Variants in GMDS observed in about 807,000 individuals in gnomAD.
GMDS encodes GDP-mannose 4,6-dehydratase.
In GMDS, 20 loss-of-function variants were observed where a neutral mutation model predicts 49.9. That is an observed-to-expected ratio of 0.40 (90% CI 0.28 to 0.58). The LOEUF is 0.58. Ranked by LOEUF, GMDS falls within the 20% of genes least tolerant of loss-of-function variation. The pLI is 0.42. For synonymous variants in GMDS, 177 were observed against 178.6 expected, an observed-to-expected ratio of 0.99 and a Z score of 0.07; for missense variants, 362 against 481.4, an observed-to-expected ratio of 0.75 and a Z score of 2.32.
At chr6:1,935,632 A>C (rs1166685675) in intron 6 of GMDS, among the ~76,000 whole-genome samples, 1 of 152,206 alleles carries the variant, frequency 6.6e-6, no homozygotes, top group Non-Finnish European at 1.5e-5. Flanking sequence ...AGCAATAATA[A>C]ACATTTCTTG....
At position 2,068,998 on chromosome 6, in the gene GMDS, A is replaced by G. The variant is rs1011913819; in HGVS notation, c.345+46773T>C. On this transcript the variant is annotated intron_variant, in intron 4 of 10. Coordinates refer to ENST00000380815, the MANE Select transcript of GMDS (RefSeq NM_001500.4). ...AAAAGAACAAAGCTGGAGGCATCAC[A>G]CTACCTGACTTCAAACTATACTATA... Among the ~76,000 whole-genome samples the G allele has an allele frequency of 4.6e-5, 7 of 152,246 alleles. No homozygotes were observed. The East Asian group carries it at 9.6e-4, about 21-fold the overall frequency.
rs147730689 is a variant in GMDS at position 2,176,108 on chromosome 6, C to A, written c.103-51377G>T. The stretch of plus-strand genomic sequence containing the variant: ...GACAACATGTAATTCTGGTGTCCAG[C>A]CCCCCTTCTACAACCAGGGATGACT... On this transcript the variant is annotated intron_variant, in intron 1 of 10. Coordinates refer to ENST00000380815, the MANE Select transcript of GMDS (RefSeq NM_001500.4). The A allele has an allele frequency of 2.7e-4, 208 of 779,994 alleles. 1 individual carries two copies. In the East Asian group the frequency reaches 5.0e-3, roughly 19 times the overall value. 48.3% of individuals were successfully genotyped at this position (779,994 alleles called of 1,614,324 possible).
intron 7 of GMDS, among the ~76,000 whole-genome samples, chr6:1,926,233 A>C (rs1761999194): frequency 6.6e-6 from 1 of 152,226 alleles, no homozygotes; most frequent in African/African-American, 2.4e-5. Context: ...CCTGGAGATA[A>C]GGAAAGGGGT....
chr6:1,764,613 G>A (rs1768277704), intron 7 of GMDS, among the ~76,000 whole-genome samples: 1 of 152,128 alleles, frequency 6.6e-6, no homozygotes, highest in Non-Finnish European at 1.5e-5. Flanking sequence ...AGAAAATCCT[G>A]GGTTAATGCC....
At chr6:1,903,951 T>C (rs113025180) in intron 7 of GMDS, among the ~76,000 whole-genome samples, 5 of 152,302 alleles carry the variant, frequency 3.3e-5, no homozygotes, top group Non-Finnish European at 5.9e-5. Flanking sequence ...AGCCAAGCTA[T>C]GACATTTTGA....
chr6:2,210,109 CT>C (rs1779998489), intron 1 of GMDS, among the ~76,000 whole-genome samples: 1 of 152,124 alleles, frequency 6.6e-6, no homozygotes, highest in African/African-American at 2.4e-5. Flanking sequence ...TCCTGAGTGC[CT>C]TTATTATAAT....
chr6:1,627,885 T>G (rs1264249324), intron 9 of GMDS, among the ~76,000 whole-genome samples: 1 of 152,268 alleles, frequency 6.6e-6, no homozygotes, highest in East Asian at 1.9e-4. Flanking sequence ...TTCATTGCTA[T>G]TCCTTAGGTG....
In GMDS at chr6:1,834,410, G is replaced by A. The variant is rs181514014; in HGVS notation, c.772-91824C>T. Among the ~76,000 whole-genome samples the A allele has an allele frequency of 2.3e-3, 354 of 152,222 alleles. 1 individual carries two copies. The highest frequency in any genetic ancestry group is 4.2e-3 in the Non-Finnish European group (289 of 68,014). On this transcript the variant is annotated intron_variant, in intron 7 of 10. Transcript: ENST00000380815. ...GGTTACCAAATGTCAGAGGCACCATGATACATCATCTGTCTGTTGGCTCCA... is the reference window on the plus strand; with the variant it reads ...GGTTACCAAATGTCAGAGGCACCATAATACATCATCTGTCTGTTGGCTCCA...
chr6:2,102,613 T>C (rs1773987902), intron 4 of GMDS, among the ~76,000 whole-genome samples: 1 of 152,186 alleles, frequency 6.6e-6, no homozygotes, highest in African/African-American at 2.4e-5. Context: ...ATCTAATGCC[T>C]GCCAAAGAGG....
At chr6:1,660,206 T>C (rs56117122) in intron 9 of GMDS, among the ~76,000 whole-genome samples, 1 of 152,228 alleles carries the variant, frequency 6.6e-6, no homozygotes, top group African/African-American at 2.4e-5. Flanking sequence ...CATCATGGGA[T>C]GGGCCAGGCA....
intron 9 of GMDS, among the ~76,000 whole-genome samples, chr6:1,687,967 G>C (rs963102468): frequency 3.3e-5 from 5 of 152,184 alleles, no homozygotes; most frequent in African/African-American, 1.2e-4. Context: ...TTCTGAATGA[G>C]AGGTAATGTG....
chr6:1,653,658 C>A (rs905383249), intron 9 of GMDS, among the ~76,000 whole-genome samples: 1 of 152,110 alleles, frequency 6.6e-6, no homozygotes, highest in Non-Finnish European at 1.5e-5. Flanking sequence ...ATATACCCGG[C>A]CAATTGATTT....
rs1763735273 is a variant in GMDS, at chr6:1,652,664, A to ATATATATAATATATAT, written c.988-28140_988-28125dup. On this transcript the variant is annotated intron_variant, in intron 9 of 10. Coordinates refer to ENST00000380815, the MANE Select transcript of GMDS (RefSeq NM_001500.4). ...ATATAATATATATTATTTATATATA[A>ATATATATAATATATAT]TATATATAATATATATTATTTATAT... Among the ~76,000 whole-genome samples the ATATATATAATATATAT allele has an allele frequency of 5.1e-4, 2 of 3,902 alleles. 1 individual carries two copies. Among genetic ancestry groups the ATATATATAATATATAT allele is most frequent in the African/African-American group, 1.2e-3 (2 of 1,734 alleles). 2.6% of individuals were successfully genotyped at this position (3,902 alleles called of 152,430 possible).
At position 1,947,548 on chromosome 6, in the gene GMDS, T is replaced by C. The variant is rs1763133245; in HGVS notation, c.643+12319A>G. ...CTCTGTGACCGCACTGATGTTCACT[T>C]CCTTACTTGCATACCCTCATGGGCT... On this transcript the variant is annotated intron_variant, in intron 6 of 10. Coordinates refer to ENST00000380815, the MANE Select transcript of GMDS (RefSeq NM_001500.4). 1.3e-5 allele frequency among the ~76,000 whole-genome samples: 2 copies of C among 152,196 alleles called. 1 individual carries two copies. The highest frequency in any genetic ancestry group is 4.8e-5 in the African/African-American group (2 of 41,436).
At chr6:1,872,724 T>C (rs1226137810) in intron 7 of GMDS, among the ~76,000 whole-genome samples, 1 of 152,252 alleles carries the variant, frequency 6.6e-6, no homozygotes, top group Non-Finnish European at 1.5e-5. Flanking sequence ...AATTTATAGA[T>C]GCGCTCAAGC....
intron 4 of GMDS, among the ~76,000 whole-genome samples, chr6:2,111,131 A>C (rs1409843492): frequency 6.6e-6 from 1 of 152,222 alleles, no homozygotes; most frequent in East Asian, 1.9e-4. Flanking sequence ...GACGAATCGA[A>C]AATCCGGACA....
chr6:2,160,182 C>T (rs904364895), intron 1 of GMDS, among the ~76,000 whole-genome samples: 1 of 152,116 alleles, frequency 6.6e-6, no homozygotes, highest in Non-Finnish European at 1.5e-5. Context: ...TTACTACATG[C>T]GATAGTTTTT....
chr6:2,084,789 G>T (rs1024372781), intron 4 of GMDS, among the ~76,000 whole-genome samples: 3 of 152,178 alleles, frequency 2.0e-5, no homozygotes, highest in Non-Finnish European at 2.9e-5. Context: ...TTACAGGTGT[G>T]AGCCACCATG....
intron 4 of GMDS, among the ~76,000 whole-genome samples, chr6:2,044,643 T>G (rs1166436378): frequency 6.6e-6 from 1 of 151,938 alleles, no homozygotes; most frequent in East Asian, 1.9e-4. Flanking sequence ...GATGAAATAA[T>G]CCGAACAACA....
Sources: gnomAD v4.1 joint callset for allele counts (sites outside exome capture counted in the v4.1 genomes callset) on GRCh38, gnomAD v4.1.1 for gene constraint, MANE v1.5 for transcripts, NCBI Gene and HGNC (gene_info 2026-07-23, HGNC 2026-07-21) for gene names.